Variants in SEC31B observed in about 807,000 individuals in gnomAD.
The protein encoded by SEC31B is protein transport protein Sec31B.
In SEC31B, 113 loss-of-function variants were observed where a neutral mutation model predicts 135.0. The observed-to-expected ratio is 0.84, with a 90% CI of 0.72 to 0.98. The LOEUF is 0.98. Among genes scored for constraint, SEC31B ranks in the 50% least tolerant of loss-of-function variants. The pLI is 0.00. For synonymous variants in SEC31B, 508 were observed against 549.4 expected, an observed-to-expected ratio of 0.92 and a Z score of 1.05; for missense variants, 1,296 against 1,421.1, an observed-to-expected ratio of 0.91 and a Z score of 1.42.
rs757106581 is a variant in SEC31B, at chr10:100,507,910, T to A, written c.637A>T (p.Arg213Trp). The A allele has an allele frequency of 3.7e-6, 6 of 1,614,220 alleles. No homozygotes were observed. In the South Asian group the frequency reaches 6.6e-5, roughly 18 times the overall value. The change falls in exon 6 of 26, where the codon AGG (arginine) becomes TGG (tryptophan). Residue 213 changes from arginine to tryptophan, a missense_variant and splice_region_variant. Coordinates refer to ENST00000370345, the MANE Select transcript of SEC31B (RefSeq NM_015490.4). ...GTGTTCTGGCCTCCAATACTCACCC[T>A]GTTGCTGTGATCACTGACTTTGATG... The part of the protein sequence containing the change: ...PIIKVSDHSN[R>W]MHCSGLAWHP...
Position 100,507,475 on chromosome 10 carries a change from C to T in SEC31B, c.732G>A (p.Trp244Ter). 3 of 1,614,206 alleles carry T rather than the reference C, an allele frequency of 1.9e-6. No individual in the cohort carries two copies. Among genetic ancestry groups the T allele is most frequent in the Non-Finnish European group, 2.5e-6 (3 of 1,180,030 alleles). Residue 244 changes from tryptophan to a stop codon, truncating the protein, a stop_gained, in exon 7 of 26, where the codon TGG becomes TGA. Transcript: ENST00000370345. LOFTEE classifies it high-confidence loss of function. ...AGGGCGAGGAGGCAAAGCGCAAGTCCCACAGCTGAATCACGGGAAGTCGAT... is the reference window on the plus strand; with the variant it reads ...AGGGCGAGGAGGCAAAGCGCAAGTCTCACAGCTGAATCACGGGAAGTCGAT... Reference protein sequence around the residue: ...EDDRLPVIQLWDLRFASSPLK... With the variant: ...EDDRLPVIQL
intron 4 of SEC31B, 106 bp from the exon 5 acceptor site, chr10:100,509,208 C>T: frequency 6.7e-7 from 1 of 1,492,804 alleles, no homozygotes; most frequent in Admixed American, 1.7e-5. Context: ...TCCCCTGAAA[C>T]AGCCTGGAAA....
chr10:100,508,161 G>C (rs1032472751), intron 5 of SEC31B, 110 bp from the exon 6 acceptor site: 8 of 1,326,568 alleles, frequency 6.0e-6, no homozygotes, highest in East Asian at 2.3e-5. Context: ...AATAGACATG[G>C]GGCTACCCAA....
rs754328565 is a variant in SEC31B at position 100,487,987 on chromosome 10, A to G, written c.3360+40T>C. The G allele has an allele frequency of 1.4e-5, 22 of 1,594,950 alleles. No homozygotes were observed. In the South Asian group the frequency reaches 2.3e-4, roughly 17 times the overall value. Reference sequence around the variant, plus strand: ...CTTCCTTTGGCCATGGTGATGGTGGAAGTGTAGGAGGCAGTGGGAGCACAG... The same window carrying G: ...CTTCCTTTGGCCATGGTGATGGTGGGAGTGTAGGAGGCAGTGGGAGCACAG... On this transcript the variant is annotated intron_variant, in intron 25 of 25. Coordinates refer to ENST00000370345, the MANE Select transcript of SEC31B (RefSeq NM_015490.4).
chr10:100,516,788 C>T, intron 2 of SEC31B, 86 bp downstream of exon 2: 2 of 1,015,708 alleles, frequency 2.0e-6, no homozygotes, highest in Non-Finnish European at 1.5e-6. Flanking sequence ...AGAGCTTTCT[C>T]TGATGTTCAA....
intron 3 of SEC31B, among the ~76,000 whole-genome samples, chr10:100,511,572 C>A (rs1173626585): frequency 1.3e-5 from 2 of 152,128 alleles, no homozygotes; most frequent in African/African-American, 4.8e-5. Context: ...GAGATGGAAG[C>A]CAGCCTGGTC....
At position 100,516,245 on chromosome 10, in the gene SEC31B, G is replaced by A. The variant is rs777903068; in HGVS notation, c.80-26C>T. The A allele has an allele frequency of 7.5e-6, 12 of 1,610,460 alleles. 1 individual carries two copies. The South Asian group carries it at 7.7e-5, about 10-fold the overall frequency. On this transcript the variant is annotated intron_variant, in intron 2 of 25. Transcript: ENST00000370345. ...CTAGGCACAAGAAAAGGCAGCATATGAGCAACAATATATGCATGGATTTCA... is the reference window on the plus strand; with the variant it reads ...CTAGGCACAAGAAAAGGCAGCATATAAGCAACAATATATGCATGGATTTCA...
At position 100,488,011 on chromosome 10, in the gene SEC31B, A is replaced by C; in HGVS notation, c.3360+16T>G. ...GAAGTGTAGGAGGCAGTGGGAGCAC[A>C]GCTAGCTGTACTTACTGTCCCCTCA... On this transcript the variant is annotated intron_variant, in intron 25 of 25. Coordinates refer to ENST00000370345, the MANE Select transcript of SEC31B (RefSeq NM_015490.4). The C allele has an allele frequency of 1.9e-6, 3 of 1,612,340 alleles. No homozygotes were observed. Among genetic ancestry groups the C allele is most frequent in the Non-Finnish European group, 2.5e-6 (3 of 1,178,398 alleles).
Position 100,506,188 on chromosome 10 carries a change from A to G in SEC31B, c.896T>C (p.Leu299Pro). The change falls in exon 9 of 26, where the codon CTA becomes CCA. Residue 299 changes from leucine (L) to proline (P), a missense_variant. By Grantham distance (98) the Leu-to-Pro change is moderately conservative (BLOSUM62 -3). Transcript: ENST00000370345. ...AAAGCACCAGCTGCTCTGTGTTGGTAGCTTATATACCACCTAATATGAGGG... is the reference window on the plus strand; with the variant it reads ...AAAGCACCAGCTGCTCTGTGTTGGTGGCTTATATACCACCTAATATGAGGG... The part of the protein sequence containing the change: ...NLGSSEVVYK[L>P]PTQSSWCFDV... 6.2e-7 allele frequency: 1 copy of G among 1,614,202 alleles called. No homozygotes were observed. The highest frequency in any genetic ancestry group is 1.1e-5 in the South Asian group (1 of 91,082).
rs1195090932 is a variant in SEC31B, at chr10:100,486,835, G to T, written c.*781C>A. 1 of 152,198 alleles carries T rather than the reference G, an allele frequency of 6.6e-6. No individual in the cohort carries two copies. 9.4% of individuals were successfully genotyped at this position (152,198 alleles called of 1,614,324 possible). A position where few individuals can be genotyped will look rare whatever the true frequency, so the allele number is the denominator to read the frequency against. On this transcript the variant is annotated 3_prime_UTR_variant, in exon 26 of 26. Coordinates refer to ENST00000370345, the MANE Select transcript of SEC31B (RefSeq NM_015490.4). The stretch of plus-strand genomic sequence containing the variant: ...TAATATGGCTCCAATTCCAGAACTG[G>T]GCTTTATCATCACAGAAGGAATGGC...
intron 3 of SEC31B, among the ~76,000 whole-genome samples, chr10:100,510,182 C>T (rs1280756547): frequency 2.0e-5 from 3 of 152,190 alleles, no homozygotes; most frequent in Non-Finnish European, 4.4e-5. Flanking sequence ...GAGAAAGATT[C>T]AAACTCTTCT....
chr10:100,496,563 G>C, intron 17 of SEC31B, 132 bp from the exon 18 acceptor site: 1 of 888,154 alleles, frequency 1.1e-6, no homozygotes, highest in Non-Finnish European at 1.7e-6. Context: ...GGTGAAGGCA[G>C]CAGATGATGA....
intron 9 of SEC31B, chr10:100,505,816 A>G: frequency 6.9e-7 from 1 of 1,456,840 alleles, no homozygotes; most frequent in Non-Finnish European, 9.0e-7. Flanking sequence ...GAAATACTAC[A>G]GGGCCCATCC....
intron 15 of SEC31B, 28 bp downstream of exon 15, chr10:100,498,001 C>T (rs763734216): frequency 5.0e-6 from 8 of 1,613,048 alleles, no homozygotes; most frequent in Non-Finnish European, 6.8e-6. Context: ...AATCCCCTCC[C>T]TTCTTCTCCT....
chr10:100,493,793 T>C (rs1851350869), intron 19 of SEC31B, among the ~76,000 whole-genome samples: 1 of 152,186 alleles, frequency 6.6e-6, no homozygotes, highest in Non-Finnish European at 1.5e-5. Flanking sequence ...AATCCATGGA[T>C]TGTACTAATG....
At position 100,497,759 on chromosome 10, in the gene SEC31B, T is replaced by C. The variant is rs746316237; in HGVS notation, c.1898A>G (p.Asp633Gly). Residue 633 changes from aspartate (D) to glycine (G), a missense_variant, in exon 16 of 26, where the codon GAT becomes GGT. Asp to Gly is a moderately conservative substitution (Grantham distance 94, BLOSUM62 -1). Coordinates refer to ENST00000370345, the MANE Select transcript of SEC31B (RefSeq NM_015490.4). ...CTTCAGGCTACAGGTACACACCACA[T>C]CCTTCCAATTCTTTTGCACAACACA... ...LACVVQKNWK[D>G]VVCTCSLKNW... The C allele has an allele frequency of 5.6e-6, 9 of 1,614,126 alleles. No homozygotes were observed. In the East Asian group the frequency reaches 2.0e-4, roughly 36 times the overall value.
Position 100,505,497 on chromosome 10 carries a change from TG to T in SEC31B, c.1045-3del. Reference sequence around the variant, plus strand: ...GCCTTTGCTGAAGGAAGAGGAGATCTGGGGGGAAAAGACACCTGCATCGCCA... The same window carrying T: ...GCCTTTGCTGAAGGAAGAGGAGATCTGGGGGAAAAGACACCTGCATCGCCA... On this transcript the variant is annotated splice_polypyrimidine_tract_variant and splice_region_variant and intron_variant, in intron 9 of 25. Coordinates refer to ENST00000370345, the MANE Select transcript of SEC31B (RefSeq NM_015490.4). The T allele has an allele frequency of 1.3e-6, 2 of 1,523,922 alleles. No homozygotes were observed. 94.4% of individuals were successfully genotyped at this position (1,523,922 alleles called of 1,614,324 possible). A position where few individuals can be genotyped will look rare whatever the true frequency, so the allele number is the denominator to read the frequency against.
intron 21 of SEC31B, 95 bp downstream of exon 21, chr10:100,489,913 C>A: frequency 1.3e-6 from 2 of 1,534,052 alleles, no homozygotes; most frequent in Non-Finnish European, 1.7e-6. Context: ...CCCAACAGGG[C>A]CCTAGCCCTC....
chr10:100,505,062 G>A (rs78501469), intron 10 of SEC31B, among the ~76,000 whole-genome samples: 1,549 of 152,024 alleles, frequency 0.01, 30 homozygotes, highest in African/African-American at 0.036. Flanking sequence ...GTCCAGACAC[G>A]TAAGGGTTAG....
Sources: gnomAD v4.1 joint callset for allele counts (sites outside exome capture counted in the v4.1 genomes callset) on GRCh38, gnomAD v4.1.1 for gene constraint, MANE v1.5 for transcripts, NCBI Gene and HGNC (gene_info 2026-07-23, HGNC 2026-07-21) for gene names.